Variants in PDZRN3 observed in about 807,000 individuals in gnomAD.
PDZRN3 encodes PDZ domain containing ring finger 3, also known as E3 ubiquitin-protein ligase PDZRN3.
PDZRN3 carries 38 observed loss-of-function variants against 85.7 expected under a neutral mutation model. The observed-to-expected ratio is 0.44, with a 90% confidence interval of 0.34 to 0.58. PDZRN3 has a LOEUF of 0.58. Among genes scored for constraint, PDZRN3 ranks in the 20% least tolerant of loss-of-function variants. The pLI is 0.01. For synonymous variants in PDZRN3, 759 were observed against 638.0 expected (o/e 1.19, Z -2.86); for missense variants, 1,629 against 1,506.4 (o/e 1.08, Z -1.35).
chr3:73,531,935 T>C (rs1704666378), intron 3 of PDZRN3, among the ~76,000 whole-genome samples: 1 of 152,222 alleles, frequency 6.6e-6, no homozygotes, highest in South Asian at 2.1e-4. Flanking sequence ...GAGAGTGTTG[T>C]ATAAAATAAT....
chr3:73,468,249 G>A (rs1489253229), intron 3 of PDZRN3, among the ~76,000 whole-genome samples: 1 of 152,132 alleles, frequency 6.6e-6, no homozygotes, highest in East Asian at 1.9e-4. Context: ...GCCAAGAAAT[G>A]TGGGCAGCCT....
chr3:73,542,670 A>G (rs1701306948), intron 3 of PDZRN3, among the ~76,000 whole-genome samples: 1 of 152,120 alleles, frequency 6.6e-6, no homozygotes, highest in Non-Finnish European at 1.5e-5. Context: ...GCTACTTGGG[A>G]GGCTGAGGCA....
At chr3:73,609,580 T>C (rs1300592716) in intron 1 of PDZRN3, among the ~76,000 whole-genome samples, 1 of 152,240 alleles carries the variant, frequency 6.6e-6, no homozygotes, top group African/African-American at 2.4e-5. Flanking sequence ...CATCACAGCC[T>C]GTGTACTGCC....
chr3:73,615,797 A>G (rs184898431), intron 1 of PDZRN3, among the ~76,000 whole-genome samples: 2 of 152,348 alleles, frequency 1.3e-5, no homozygotes, highest in Admixed American at 1.3e-4. Context: ...CTGTTACAGC[A>G]GCCTAAATGG....
intron 3 of PDZRN3, among the ~76,000 whole-genome samples, chr3:73,527,379 A>C (rs1212253499): frequency 6.6e-6 from 1 of 152,218 alleles, no homozygotes; most frequent in Non-Finnish European, 1.5e-5. Flanking sequence ...TTCAATATTG[A>C]AAATCCATTA....
At chr3:73,500,442 T>C (rs1233767274) in intron 3 of PDZRN3, among the ~76,000 whole-genome samples, 1 of 152,102 alleles carries the variant, frequency 6.6e-6, no homozygotes, top group Non-Finnish European at 1.5e-5. Context: ...CCAACCCCAT[T>C]TCCACATGAG....
chr3:73,421,267 T>TG (rs1235841289), intron 3 of PDZRN3, among the ~76,000 whole-genome samples: 7 of 152,124 alleles, frequency 4.6e-5, no homozygotes, highest in African/African-American at 1.7e-4. Context: ...AAACAGCTCA[T>TG]ATTCCTGAGC....
At chr3:73,568,435 T>A (rs1277854470) in intron 3 of PDZRN3, among the ~76,000 whole-genome samples, 2 of 152,196 alleles carry the variant, frequency 1.3e-5, no homozygotes, top group African/African-American at 4.8e-5. Flanking sequence ...AAAACTAGTT[T>A]TGACTTGAGA....
chr3:73,579,074 G>A (rs1360409029), intron 3 of PDZRN3, among the ~76,000 whole-genome samples: 2 of 152,106 alleles, frequency 1.3e-5, no homozygotes, highest in Non-Finnish European at 2.9e-5. Context: ...AATACCCAAC[G>A]TGATAGTACT....
intron 3 of PDZRN3, among the ~76,000 whole-genome samples, chr3:73,458,647 C>A (rs527275580): frequency 1.3e-5 from 2 of 150,314 alleles, no homozygotes; most frequent in Non-Finnish European, 3.0e-5. Context: ...TTGTATTAGT[C>A]CGTTCTCACA....
At chr3:73,488,954 G>A (rs2106653548) in intron 3 of PDZRN3, among the ~76,000 whole-genome samples, 1 of 152,310 alleles carries the variant, frequency 6.6e-6, no homozygotes, top group South Asian at 2.1e-4. Flanking sequence ...CCTGTAGTGG[G>A]TGGGCATGAC....
chr3:73,391,059 G>A lies in PDZRN3; in HGVS notation c.1312C>T (p.Arg438Trp), dbSNP rs1259011918. The change falls in exon 6 of 10, where the codon CGG becomes TGG. Residue 438 changes from arginine to tryptophan, a missense_variant. Transcript: ENST00000263666. ...QDKLGLTVCY[R>W]TDDEDDIGIY... The stretch of plus-strand genomic sequence containing the variant: ...CCAATGTCGTCTTCATCGTCCGTCC[G>A]GTAGCACACAGTGAGGCCCAGCTTG... 1.1e-5 allele frequency: 17 copies of A among 1,613,678 alleles called. No individual in the cohort carries two copies. The highest frequency in any genetic ancestry group is 2.7e-5 in the African/African-American group (2 of 74,874).
At chr3:73,469,711 T>A (rs749209481) in intron 3 of PDZRN3, among the ~76,000 whole-genome samples, 8 of 152,244 alleles carry the variant, frequency 5.3e-5, no homozygotes, top group Non-Finnish European at 1.0e-4. Context: ...ATGGGGTTTT[T>A]TTTTCATAAC....
chr3:73,597,385 A>G (rs1702445546), intron 3 of PDZRN3, among the ~76,000 whole-genome samples: 1 of 152,210 alleles, frequency 6.6e-6, no homozygotes, highest in Non-Finnish European at 1.5e-5. Context: ...AGCTTCTGTA[A>G]TCATATCCTC....
At chr3:73,526,675 T>A (rs1704531580) in intron 3 of PDZRN3, among the ~76,000 whole-genome samples, 1 of 152,036 alleles carries the variant, frequency 6.6e-6, no homozygotes, top group African/African-American at 2.4e-5. Flanking sequence ...TCTTAGTTGT[T>A]GTTGTTGTTG....
Position 73,385,722 on chromosome 3 carries a change from G to A in PDZRN3, c.1582C>T (p.Leu528=), listed in dbSNP as rs774837149. 1.2e-6 allele frequency: 2 copies of A among 1,613,890 alleles called. No individual in the cohort carries two copies. The highest frequency in any genetic ancestry group is 2.2e-5 in the South Asian group (2 of 91,070). The change falls in exon 9 of 10, where the codon CTG becomes TTG. Residue 528 remains leucine (L), a synonymous_variant. Transcript: ENST00000263666. ...ATGGCCTGGTGGTGCTGCTCCTCCA[G>A]CATGTCCATGTGCAGGTCATCCAGA... The part of the protein sequence containing the change: ...DFLDDLHMDM[L]EEQHHQAMQF...
At chr3:73,464,373 G>A (rs1282884503) in intron 3 of PDZRN3, among the ~76,000 whole-genome samples, 2 of 151,998 alleles carry the variant, frequency 1.3e-5, no homozygotes, top group Admixed American at 6.6e-5. Flanking sequence ...TCATATTCTA[G>A]TTGGTTATTA....
intron 3 of PDZRN3, among the ~76,000 whole-genome samples, chr3:73,439,766 T>A (rs537875927): frequency 1.5e-3 from 229 of 152,060 alleles, no homozygotes; most frequent in South Asian, 6.7e-3. Flanking sequence ...TGAAACAGAG[T>A]CTCACTCTGT....
intron 3 of PDZRN3, among the ~76,000 whole-genome samples, chr3:73,461,932 A>G (rs909260587): frequency 6.6e-6 from 1 of 152,220 alleles, no homozygotes; most frequent in African/African-American, 2.4e-5. Flanking sequence ...AGCTAGAGTA[A>G]TGAAGAAAAT....
Sources: gnomAD v4.1 joint callset for allele counts (sites outside exome capture counted in the v4.1 genomes callset) on GRCh38, gnomAD v4.1.1 for gene constraint, MANE v1.5 for transcripts, NCBI Gene and HGNC (gene_info 2026-07-23, HGNC 2026-07-21) for gene names.